The following NUP160 variants were observed in gnomAD, a reference collection of about 807,000 sequenced individuals.
NUP160 encodes nuclear pore complex protein Nup160.
A neutral mutation model predicts 196.9 loss-of-function variants in NUP160; 94 were observed. The observed-to-expected ratio is 0.48, with a 90% CI of 0.40 to 0.57. NUP160 has a LOEUF of 0.57. NUP160 is among the 20% of genes least tolerant of loss of function. NUP160 has a pLI of 0.00. For missense variants in NUP160, 1,638 were observed against 1,748.3 expected (o/e 0.94, Z 1.13); for synonymous variants, 605 against 619.7 (o/e 0.98, Z 0.35).
In NUP160 at chr11:47,822,281, A is replaced by C. The variant is rs1160232432; in HGVS notation, c.1102-117T>G. ...AAAAAATTTTTTTTTTTTTGAAAGA[A>C]GAGTCTTGCTCTGTTGCCCAGGCTG... On this transcript the variant is annotated intron_variant, in intron 7 of 35. Transcript: ENST00000378460. The C allele has an allele frequency of 6.8e-6, 4 of 588,210 alleles. No homozygotes were observed. The South Asian group carries it at 8.4e-5, about 12-fold the overall frequency. 36.4% of individuals were successfully genotyped at this position (588,210 alleles called of 1,614,324 possible). A position where few individuals can be genotyped will look rare whatever the true frequency, so the allele number is the denominator to read the frequency against.
intron 7 of NUP160, among the ~76,000 whole-genome samples, chr11:47,825,909 A>T (rs1002881689): frequency 1.5e-4 from 23 of 152,144 alleles, no homozygotes; most frequent in African/African-American, 5.3e-4. Flanking sequence ...TATAAAGAAA[A>T]TTTACTGTAA....
intron 11 of NUP160, among the ~76,000 whole-genome samples, chr11:47,816,459 T>G (rs1414986959): frequency 6.6e-6 from 1 of 152,210 alleles, no homozygotes; most frequent in East Asian, 1.9e-4. Context: ...AATCCATCCA[T>G]GAAGCTAAGT....
intron 22 of NUP160, 34 bp from the exon 23 acceptor site, chr11:47,801,964 G>A: frequency 6.2e-7 from 1 of 1,607,658 alleles, no homozygotes; most frequent in Non-Finnish European, 8.5e-7. Context: ...ACTTGTAACA[G>A]ATCATTCAAA....
intron 2 of NUP160, among the ~76,000 whole-genome samples, chr11:47,844,074 CTT>C (rs1852355333): frequency 6.6e-6 from 1 of 152,228 alleles, no homozygotes; most frequent in Admixed American, 6.5e-5. Context: ...ACCTGTGACT[CTT>C]TTCTTTCTGT....
At chr11:47,813,237 A>AT in intron 14 of NUP160, 79 bp downstream of exon 14, 1 of 1,166,944 alleles carries the variant, frequency 8.6e-7, no homozygotes. Flanking sequence ...GGCAATCGAT[A>AT]TTTTTTGTAT....
intron 13 of NUP160, 123 bp downstream of exon 13, chr11:47,815,356 C>T (rs1030612157): frequency 1.6e-6 from 1 of 620,688 alleles, no homozygotes; most frequent in South Asian, 3.7e-5. Context: ...AAATGCTAAC[C>T]GCAACATTCA....
chr11:47,847,749 G>A, intron 2 of NUP160, 99 bp downstream of exon 2: 1 of 774,146 alleles, frequency 1.3e-6, no homozygotes, highest in Non-Finnish European at 2.3e-6. Flanking sequence ...TTCCCTAAGT[G>A]TCAATTACCG....
At chr11:47,816,526 G>A (rs1435292411) in intron 11 of NUP160, among the ~76,000 whole-genome samples, 1 of 152,208 alleles carries the variant, frequency 6.6e-6, no homozygotes, top group Non-Finnish European at 1.5e-5. Context: ...TATAATCCCA[G>A]CACTTTGGGA....
rs2097684061 is a variant in NUP160 at position 47,815,714 on chromosome 11, A to C, written c.1516-65T>G. ...CATTCAGGATCTTTGTCCACAAAAA[A>C]CATAATTGTCCAATATCATTATACT... On this transcript the variant is annotated intron_variant, in intron 12 of 35. Coordinates refer to ENST00000378460, the Ensembl canonical transcript of NUP160. 2.9e-6 allele frequency: 4 copies of C among 1,375,368 alleles called. No individual in the cohort carries two copies. In the South Asian group the frequency reaches 5.6e-5, roughly 19 times the overall value. The allele number at this position is 1,375,368 out of a possible 1,614,324, so 85.2% of individuals were successfully genotyped here. A position where few individuals can be genotyped will look rare whatever the true frequency, so the allele number is the denominator to read the frequency against.
chr11:47,838,263 T>TA (rs1366261008), intron 4 of NUP160, among the ~76,000 whole-genome samples: 1 of 152,180 alleles, frequency 6.6e-6, no homozygotes, highest in Non-Finnish European at 1.5e-5. Flanking sequence ...GTAGGGGTGT[T>TA]CCTGGCATAT....
At chr11:47,808,442 T>C in exon 18 of NUP160, 1 of 1,613,662 alleles carries the variant, frequency 6.2e-7, no homozygotes, top group Non-Finnish European at 8.5e-7. Context: ...CTTCCCCATT[T>C]AATGAGGTAA....
chr11:47,793,804 G>A (rs867068541), intron 27 of NUP160, among the ~76,000 whole-genome samples: 18 of 133,800 alleles, frequency 1.3e-4, no homozygotes, highest in Admixed American at 1.3e-3. Context: ...GCAATGGTGC[G>A]GTCTCAGCTC....
intron 4 of NUP160, among the ~76,000 whole-genome samples, chr11:47,838,515 C>T (rs1852225505): frequency 6.6e-6 from 1 of 152,036 alleles, no homozygotes; most frequent in Non-Finnish European, 1.5e-5. Flanking sequence ...CGAGACCAGC[C>T]TAGTCAATGT....
At chr11:47,848,446 C>T (rs1479936689) in exon 1 of NUP160, 1 of 1,496,540 alleles carries the variant, frequency 6.7e-7, no homozygotes, top group Non-Finnish European at 8.9e-7. Flanking sequence ...GCGGCTCCGG[C>T]CCTTCGTTGC....
At chr11:47,836,945 T>C (rs1852187494) in exon 6 of NUP160, 7 of 1,613,788 alleles carry the variant, frequency 4.3e-6, no homozygotes, top group South Asian at 2.2e-5. Flanking sequence ...GAAGGCATCA[T>C]GCTCCACACA....
chr11:47,792,860 G>T (rs757917401), exon 28 of NUP160: 2 of 1,614,182 alleles, frequency 1.2e-6, no homozygotes, highest in South Asian at 2.2e-5. Context: ...AGAGCAGCCA[G>T]ATAACAGTTG....
intron 33 of NUP160, among the ~76,000 whole-genome samples, chr11:47,783,457 CCT>C (rs947513540): frequency 6.6e-6 from 1 of 152,156 alleles, no homozygotes; most frequent in Non-Finnish European, 1.5e-5. Flanking sequence ...GCCTTCTTCC[CCT>C]GTTTTATGAC....
chr11:47,794,131 GAA>G (rs758397887), intron 27 of NUP160, among the ~76,000 whole-genome samples: 1 of 152,166 alleles, frequency 6.6e-6, no homozygotes. Context: ...TTTGCAAGAT[GAA>G]AAGTGTTCTG....
intron 19 of NUP160, 102 bp downstream of exon 19, chr11:47,806,968 C>A: frequency 1.3e-6 from 1 of 792,544 alleles, no homozygotes; most frequent in South Asian, 1.6e-5. Flanking sequence ...AAGCAAAGAG[C>A]CTAGCCAACC....
Sources: allele counts gnomAD v4.1 joint callset (sites outside exome capture counted in the v4.1 genomes callset), GRCh38; gene constraint gnomAD v4.1.1; transcripts MANE v1.5; gene names NCBI Gene and HGNC (gene_info 2026-07-23, HGNC 2026-07-21).